XPNPEP3: variants seen among roughly 807,000 people sequenced by gnomAD.
The protein encoded by XPNPEP3 is xaa-Pro aminopeptidase 3.
A neutral mutation model predicts 60.0 loss-of-function variants in XPNPEP3; 41 were observed. The ratio of observed to expected loss-of-function variants is 0.68; its 90% CI spans 0.53 to 0.89. The LOEUF (loss-of-function observed/expected upper bound fraction) is 0.89, where lower values mean the gene tolerates loss of function less well. XPNPEP3 is among the 40% of genes least tolerant of loss of function. XPNPEP3 has a pLI of 0.00. For missense variants in XPNPEP3, 598 were observed against 638.9 expected (o/e 0.94, Z 0.69); for synonymous variants, 212 against 223.2 (o/e 0.95, Z 0.45).
intron 2 of XPNPEP3, among the ~76,000 whole-genome samples, chr22:40,875,439 G>A (rs1349945833): frequency 1.3e-5 from 2 of 150,378 alleles, no homozygotes; most frequent in African/African-American, 4.8e-5. Context: ...GTTTCCTCTT[G>A]TCTTCATCTC....
At chr22:40,887,736 T>G (rs141507050) in intron 4 of XPNPEP3, among the ~76,000 whole-genome samples, 5 of 152,230 alleles carry the variant, frequency 3.3e-5, no homozygotes, top group African/African-American at 1.2e-4. Context: ...CAAAATGGAA[T>G]CTCAGCTAGG....
At chr22:40,875,089 TAAGTACTTCAC>T (rs1222820206) in intron 2 of XPNPEP3, among the ~76,000 whole-genome samples, 2 of 152,226 alleles carry the variant, frequency 1.3e-5, no homozygotes, top group African/African-American at 2.4e-5. Context: ...ACTTTTTCTA[TAAGTACTTCAC>T]CATGAAGCCC....
At chr22:40,888,521 G>C (rs1327318845) in intron 4 of XPNPEP3, 1 of 293,048 alleles carries the variant, frequency 3.4e-6, no homozygotes, top group African/African-American at 2.2e-5. Context: ...TGGGATTACA[G>C]GTATGAGCTG....
chr22:40,871,176 A>G (rs2058003946), intron 2 of XPNPEP3, among the ~76,000 whole-genome samples: 1 of 152,196 alleles, frequency 6.6e-6, no homozygotes. Context: ...GAGCATAGGC[A>G]ACATAGCAAG....
chr22:40,881,895 C>T lies in XPNPEP3; in HGVS notation c.307C>T (p.Pro103Ser), dbSNP rs73885709. The T allele has an allele frequency of 1.7e-5, 28 of 1,613,986 alleles. No individual in the cohort carries two copies. Among genetic ancestry groups the T allele is most frequent in the Non-Finnish European group, 2.4e-5 (28 of 1,180,028 alleles). Residue 103 changes from proline (P) to serine (S), a missense_variant, in exon 3 of 10, where the codon CCT (proline) becomes TCT (serine). Coordinates refer to ENST00000357137, the MANE Select transcript of XPNPEP3 (RefSeq NM_022098.4). Reference protein sequence around the residue: ...TDQTVVVLSNPTYYMSNDIPY... With the variant: ...TDQTVVVLSNSTYYMSNDIPY... ...CCAGACAGTGGTTGTGCTCTCCAAC[C>T]CTACATACTACATGAGCAACGATAT...
At chr22:40,882,843 A>T (rs2058053767) in intron 3 of XPNPEP3, among the ~76,000 whole-genome samples, 2 of 151,720 alleles carry the variant, frequency 1.3e-5, no homozygotes, top group East Asian at 1.9e-4. Flanking sequence ...CATTTCAATT[A>T]AAAAAAAACT....
Position 40,857,232 on chromosome 22 carries a change from C to T in XPNPEP3, c.51C>T (p.Val17=), listed in dbSNP as rs753215763. The change falls in exon 1 of 10, where the codon GTC becomes GTT. Residue 17 remains valine, a synonymous_variant. Transcript: ENST00000357137. The part of the protein sequence containing the change: ...APKLVPAVAN[V]RGLSGCMLCS... ...AGCTGGTTCCCGCTGTAGCAAACGTCCGCGGCCTCTCAGGTTAGACTCTTC... is the reference window on the plus strand; with the variant it reads ...AGCTGGTTCCCGCTGTAGCAAACGTTCGCGGCCTCTCAGGTTAGACTCTTC... 2.5e-6 allele frequency: 4 copies of T among 1,614,232 alleles called. No homozygotes were observed. Among genetic ancestry groups the T allele is most frequent in the Admixed American group, 3.3e-5 (2 of 60,036 alleles).
chr22:40,868,382 T>C (rs563355252), intron 1 of XPNPEP3, among the ~76,000 whole-genome samples: 5 of 152,158 alleles, frequency 3.3e-5, no homozygotes, highest in Non-Finnish European at 7.4e-5. Flanking sequence ...GGTTCCTTTC[T>C]TCTGTTTTCA....
chr22:40,887,705 C>A (rs9623266), intron 4 of XPNPEP3, among the ~76,000 whole-genome samples: 9,925 of 152,158 alleles, frequency 0.065, 1,051 homozygotes, highest in African/African-American at 0.22. Context: ...ATGCAACAGA[C>A]TACCTCAGAA....
In XPNPEP3 at chr22:40,893,115, AATAT is replaced by A. The variant is rs2058094591; in HGVS notation, c.792+6605_792+6608del. Reference sequence around the variant, plus strand: ...TTTAGTTTATATATAAATATATATAAATATATATTATATATTGTATATTATATAT... The same window carrying A: ...TTTAGTTTATATATAAATATATATAAATATTATATATTGTATATTATATAT... On this transcript the variant is annotated intron_variant, in intron 4 of 9. Transcript: ENST00000357137. Among the ~76,000 whole-genome samples, 4 of 146,834 alleles carry A rather than the reference AATAT, an allele frequency of 2.7e-5. No homozygotes were observed. The South Asian group carries it at 6.4e-4, about 23-fold the overall frequency.
chr22:40,886,388 T>G lies in XPNPEP3; in HGVS notation c.665T>G (p.Leu222Arg). 6.2e-7 allele frequency: 1 copy of G among 1,614,158 alleles called. No homozygotes were observed. The highest frequency in any genetic ancestry group is 8.5e-7 in the Non-Finnish European group (1 of 1,180,032). Residue 222 changes from leucine (L) to arginine (R), a missense_variant, in exon 4 of 10, where the codon CTG (leucine) becomes CGG (arginine). Coordinates refer to ENST00000357137, the MANE Select transcript of XPNPEP3 (RefSeq NM_022098.4). ...CTTCACTCTGACTATATGCAGCCCCTGACTGAGGCCAAAGCCAAGAGCAAG... is the reference window on the plus strand; with the variant it reads ...CTTCACTCTGACTATATGCAGCCCCGGACTGAGGCCAAAGCCAAGAGCAAG... ...AQLHSDYMQP[L>R]TEAKAKSKNK...
intron 4 of XPNPEP3, among the ~76,000 whole-genome samples, chr22:40,904,662 G>A (rs895487417): frequency 3.9e-5 from 6 of 152,154 alleles, no homozygotes; most frequent in African/African-American, 1.4e-4. Context: ...GAAGCCACTA[G>A]GACTGCCATA....
intron 4 of XPNPEP3, among the ~76,000 whole-genome samples, chr22:40,899,391 T>C (rs984792949): frequency 1.3e-5 from 2 of 152,174 alleles, no homozygotes; most frequent in Admixed American, 6.6e-5. Context: ...TCCCAATCCA[T>C]TTTGCTAGCT....
At chr22:40,861,740 C>G (rs202007041) in intron 1 of XPNPEP3, 15 of 1,613,734 alleles carry the variant, frequency 9.3e-6, no homozygotes, top group Middle Eastern at 3.3e-4. Flanking sequence ...TGAAGCCGTA[C>G]TCACATTCAT....
At chr22:40,861,214 T>C (rs2057943651) in intron 1 of XPNPEP3, 1 of 1,614,180 alleles carries the variant, frequency 6.2e-7, no homozygotes, top group Non-Finnish European at 8.5e-7. Flanking sequence ...TCCACGAAAG[T>C]ATATTGAGAT....
chr22:40,862,403 C>A, intron 1 of XPNPEP3: 1 of 990,418 alleles, frequency 1.0e-6, no homozygotes, highest in Non-Finnish European at 1.2e-6. Context: ...TAGATTACTG[C>A]GCCTTAATTG....
chr22:40,878,297 A>G (rs2058035127), intron 2 of XPNPEP3, among the ~76,000 whole-genome samples: 1 of 152,128 alleles, frequency 6.6e-6, no homozygotes, highest in Non-Finnish European at 1.5e-5. Context: ...TGATCACTCA[A>G]TAGTGTTGAT....
At chr22:40,906,396 G>T (rs1317315225) in intron 4 of XPNPEP3, among the ~76,000 whole-genome samples, 3 of 150,754 alleles carry the variant, frequency 2.0e-5, no homozygotes, top group African/African-American at 7.3e-5. Flanking sequence ...ACTCCAGCCT[G>T]TGGGATGGAG....
chr22:40,926,951 A>G lies in XPNPEP3; in HGVS notation c.*516A>G, dbSNP rs146566620. On this transcript the variant is annotated 3_prime_UTR_variant, in exon 10 of 10. Transcript: ENST00000357137. ...TACCTTCTGTAACTCCTCCCTACCT[A>G]TTCTAGATCCTGCATATCTACTGGA... 4.9e-6 allele frequency: 1 copy of G among 202,258 alleles called. No homozygotes were observed. Among genetic ancestry groups the G allele is most frequent in the Non-Finnish European group, 1.0e-5 (1 of 98,036 alleles). The allele number at this position is 202,258 out of a possible 1,614,324, so 12.5% of individuals were successfully genotyped here.
Sources: allele counts gnomAD v4.1 joint callset (sites outside exome capture counted in the v4.1 genomes callset), GRCh38; gene constraint gnomAD v4.1.1; transcripts MANE v1.5; gene names NCBI Gene and HGNC (gene_info 2026-07-23, HGNC 2026-07-21).